MSI2: variants seen among roughly 807,000 people sequenced by gnomAD.
MSI2 encodes the protein musashi RNA binding protein 2.
MSI2 carries 17 observed loss-of-function variants against 45.6 expected under a neutral mutation model. The observed-to-expected ratio is 0.37, with a 90% CI of 0.26 to 0.56. The LOEUF (loss-of-function observed/expected upper bound fraction) is 0.56, where lower values mean the gene tolerates loss of function less well. MSI2 is among the 20% of genes least tolerant of loss of function. The probability of loss-of-function intolerance (pLI) is 0.77; values close to 1 mark genes in which losing one functional copy is unlikely to be tolerated. For missense variants in MSI2, 293 were observed against 444.2 expected (o/e 0.66, Z 3.06); for synonymous variants, 156 against 158.2 (o/e 0.99, Z 0.11).
rs145635675 is a variant in MSI2 at position 57,288,868 on chromosome 17, CTG to C, written c.312+26678_312+26679del. Among the ~76,000 whole-genome samples the C allele has an allele frequency of 7.7e-3, 1,173 of 152,188 alleles. 10 individuals are homozygous for C. The highest frequency in any genetic ancestry group is 0.011 in the Non-Finnish European group (781 of 68,000). On this transcript the variant is annotated intron_variant, in intron 5 of 13. Transcript: ENST00000284073. ...GGGGGTGCATTGGAGTGCATTGTAT[CTG>C]TAGTAGGATGTTTAGCGGCATCCCC...
rs181640435 is a variant in MSI2, at chr17:57,451,874, G to A, written c.405+50403G>A. On this transcript the variant is annotated intron_variant, in intron 6 of 13. Coordinates refer to ENST00000284073, the MANE Select transcript of MSI2 (RefSeq NM_138962.4). The stretch of plus-strand genomic sequence containing the variant: ...GTTTGGTCTTTTCAGAAAGAGGGAA[G>A]GGACAGGGTACAATCTGTCACCCTC... 2.4e-4 allele frequency among the ~76,000 whole-genome samples: 36 copies of A among 152,318 alleles called. No homozygotes were observed. In the East Asian group the frequency reaches 6.8e-3, roughly 29 times the overall value.
chr17:57,594,185 C>G (rs1002941036), intron 7 of MSI2, among the ~76,000 whole-genome samples: 4 of 152,248 alleles, frequency 2.6e-5, no homozygotes, highest in Non-Finnish European at 5.9e-5. Flanking sequence ...GCAGGGCGCT[C>G]TGGCTTGAAG....
intron 6 of MSI2, among the ~76,000 whole-genome samples, chr17:57,528,035 CCTT>C (rs895985347): frequency 6.6e-6 from 1 of 152,096 alleles, no homozygotes; most frequent in African/African-American, 2.4e-5. Flanking sequence ...GGTGCTCAGT[CCTT>C]CTTAGCCACA....
intron 5 of MSI2, among the ~76,000 whole-genome samples, chr17:57,290,549 G>A (rs997180883): frequency 6.6e-6 from 1 of 152,216 alleles, no homozygotes; most frequent in African/African-American, 2.4e-5. Flanking sequence ...CTAGCCCCGA[G>A]TGATCCTCCT....
intron 11 of MSI2, among the ~76,000 whole-genome samples, chr17:57,663,768 A>C (rs766273603): frequency 2.0e-5 from 3 of 152,200 alleles, no homozygotes; most frequent in African/African-American, 4.8e-5. Context: ...TTAAGTCTTC[A>C]ATGGAGGTAG....
intron 5 of MSI2, among the ~76,000 whole-genome samples, chr17:57,325,714 T>C (rs1237933360): frequency 6.6e-6 from 1 of 152,230 alleles, no homozygotes; most frequent in South Asian, 2.1e-4. Flanking sequence ...CCTCTGTTCC[T>C]CTGCCTGTCC....
chr17:57,274,950 A>G lies in MSI2; in HGVS notation c.312+12758A>G, dbSNP rs188955209. On this transcript the variant is annotated intron_variant, in intron 5 of 13. Coordinates refer to ENST00000284073, the MANE Select transcript of MSI2 (RefSeq NM_138962.4). ...CCAGTATAAATAAGGCACCAGGTGT[A>G]TGATGAATACTGAGAAAATGTGAAT... Among the ~76,000 whole-genome samples the G allele has an allele frequency of 1.7e-3, 253 of 152,364 alleles. 1 individual carries two copies. The highest frequency in any genetic ancestry group is 5.6e-3 in the African/African-American group (234 of 41,584).
chr17:57,589,015 T>C (rs1204836638), intron 7 of MSI2, among the ~76,000 whole-genome samples: 1 of 152,172 alleles, frequency 6.6e-6, no homozygotes, highest in African/African-American at 2.4e-5. Context: ...CTTTCTCTTT[T>C]TAACATTATT....
chr17:57,506,722 T>G (rs767256656), intron 6 of MSI2, among the ~76,000 whole-genome samples: 9 of 152,176 alleles, frequency 5.9e-5, no homozygotes, highest in African/African-American at 2.2e-4. Flanking sequence ...TTGATTCGAG[T>G]TGAGCAAATC....
At chr17:57,604,683 C>G (rs1906325939) in intron 8 of MSI2, among the ~76,000 whole-genome samples, 1 of 152,162 alleles carries the variant, frequency 6.6e-6, no homozygotes, top group South Asian at 2.1e-4. Context: ...CCAGGGCATA[C>G]CTGGGGGATT....
chr17:57,607,568 T>C lies in MSI2; in HGVS notation c.538-8402T>C, dbSNP rs2144522133. On this transcript the variant is annotated intron_variant, in intron 8 of 13. Transcript: ENST00000284073. Reference sequence around the variant, plus strand: ...AAGGACAGTGCCTGATTATGATGTCTGAGAAGGGAGGAGGGAGGGTCTCTT... The same window carrying C: ...AAGGACAGTGCCTGATTATGATGTCCGAGAAGGGAGGAGGGAGGGTCTCTT... 2.0e-5 allele frequency among the ~76,000 whole-genome samples: 3 copies of C among 152,294 alleles called. No individual in the cohort carries two copies. The Middle Eastern group carries it at 0.01, about 518-fold the overall frequency.
intron 11 of MSI2, among the ~76,000 whole-genome samples, chr17:57,663,706 T>A (rs1912170404): frequency 6.6e-6 from 1 of 152,198 alleles, no homozygotes; most frequent in East Asian, 1.9e-4. Flanking sequence ...TGCTGTGTCC[T>A]TCTGTGTTTT....
chr17:57,300,145 G>T (rs574631183), intron 5 of MSI2, among the ~76,000 whole-genome samples: 29 of 152,290 alleles, frequency 1.9e-4, no homozygotes, highest in African/African-American at 6.7e-4. Context: ...CCTTGCCTGA[G>T]ATGGGCAGAT....
chr17:57,418,429 T>C (rs997265823), intron 6 of MSI2, among the ~76,000 whole-genome samples: 4 of 152,260 alleles, frequency 2.6e-5, no homozygotes, highest in Non-Finnish European at 5.9e-5. Flanking sequence ...TGGAAAAATC[T>C]TTTGGAGTAA....
At chr17:57,293,039 C>A (rs1055528673) in intron 5 of MSI2, among the ~76,000 whole-genome samples, 2 of 151,778 alleles carry the variant, frequency 1.3e-5, no homozygotes, top group African/African-American at 4.8e-5. Flanking sequence ...ACAGTGGTTT[C>A]TTTCTTTTGT....
intron 5 of MSI2, among the ~76,000 whole-genome samples, chr17:57,301,943 C>A (rs1911453118): frequency 6.6e-6 from 1 of 152,320 alleles, no homozygotes; most frequent in East Asian, 1.9e-4. Context: ...TCTGCACTTG[C>A]ACCTTTTGTG....
At chr17:57,258,882 A>G (rs140943606) in intron 4 of MSI2, among the ~76,000 whole-genome samples, 3 of 152,264 alleles carry the variant, frequency 2.0e-5, no homozygotes, top group Non-Finnish European at 2.9e-5. Context: ...TGAGCTGGGC[A>G]TCCACTGGGG....
chr17:57,694,758 T>C, the MSI2 span, among the ~76,000 whole-genome samples: 1 of 152,192 alleles, frequency 6.6e-6, no homozygotes, highest in East Asian at 1.9e-4. Flanking sequence ...TGGCCCCTTT[T>C]TGGTTTAACC....
chr17:57,581,002 A>ATTTTTTTTTTTT (rs1567914151), intron 7 of MSI2, among the ~76,000 whole-genome samples: 10 of 58,238 alleles, frequency 1.7e-4, no homozygotes, highest in South Asian at 5.6e-4. Context: ...TGAGGTCAGC[A>ATTTTTTTTTTTT]TCTTTTTTTT....
Sources: gnomAD v4.1 joint callset for allele counts (sites outside exome capture counted in the v4.1 genomes callset) on GRCh38, gnomAD v4.1.1 for gene constraint, MANE v1.5 for transcripts, NCBI Gene and HGNC (gene_info 2026-07-23, HGNC 2026-07-21) for gene names.